ITGAV: variants seen among roughly 807,000 people sequenced by gnomAD.
ITGAV encodes the protein integrin subunit alpha V, also known as integrin alpha-V.
In ITGAV, 76 loss-of-function variants were observed where a neutral mutation model predicts 143.8. The observed-to-expected ratio is 0.53, with a 90% confidence interval of 0.44 to 0.64. The LOEUF (loss-of-function observed/expected upper bound fraction) is 0.64, where lower values mean the gene tolerates loss of function less well. Among genes scored for constraint, ITGAV ranks in the 30% least tolerant of loss-of-function variants. The pLI, the probability that ITGAV is intolerant of heterozygous loss-of-function variation, is 0.00. For synonymous variants in ITGAV, 453 were observed against 446.7 expected (o/e 1.01, Z -0.18); for missense variants, 1,193 against 1,274.7 (o/e 0.94, Z 0.98).
At chr2:186,625,407 A>G in intron 3 of ITGAV, 66 bp from the exon 4 acceptor site, 1 of 925,548 alleles carries the variant, frequency 1.1e-6, no homozygotes, top group Non-Finnish European at 1.8e-6. Flanking sequence ...CTGAAGTAGT[A>G]TAGAGCATCT....
At chr2:186,637,158 T>C in intron 8 of ITGAV, 49 bp downstream of exon 8, 3 of 1,469,588 alleles carry the variant, frequency 2.0e-6, no homozygotes, top group Non-Finnish European at 2.9e-6. Context: ...TTAGATTAAG[T>C]ATTTGAAACA....
At chr2:186,664,395 A>G (rs1034784881) in intron 19 of ITGAV, 99 bp from the exon 20 acceptor site, 4 of 1,129,878 alleles carry the variant, frequency 3.5e-6, no homozygotes, top group East Asian at 2.4e-5. Flanking sequence ...ACTGTTGAAC[A>G]TGTCAGTGCT....
chr2:186,643,952 A>G (rs1356595407), intron 12 of ITGAV, among the ~76,000 whole-genome samples: 1 of 152,146 alleles, frequency 6.6e-6, no homozygotes, highest in African/African-American at 2.4e-5. Context: ...TACTTTATTT[A>G]TTATTTGTTG....
chr2:186,651,513 A>G (rs768909402), intron 14 of ITGAV, among the ~76,000 whole-genome samples: 7 of 152,202 alleles, frequency 4.6e-5, no homozygotes, highest in African/African-American at 9.7e-5. Flanking sequence ...GAAATATTCT[A>G]TGCATTAAAA....
chr2:186,652,931 A>ATTTTTTTTTTTTTT (rs35139936), intron 15 of ITGAV, among the ~76,000 whole-genome samples: 1 of 82,424 alleles, frequency 1.2e-5, no homozygotes. Context: ...TTCATTATAG[A>ATTTTTTTTTTTTTT]TTTTTTTTTT....
At chr2:186,665,621 A>G (rs970991368) in intron 21 of ITGAV, among the ~76,000 whole-genome samples, 2 of 152,192 alleles carry the variant, frequency 1.3e-5, no homozygotes, top group Non-Finnish European at 2.9e-5. Context: ...ATCAAAGTGA[A>G]GGTCAGTTAA....
intron 2 of ITGAV, among the ~76,000 whole-genome samples, chr2:186,608,952 A>G (rs552924890): frequency 6.6e-6 from 1 of 152,306 alleles, no homozygotes; most frequent in South Asian, 2.1e-4. Context: ...ATGTGGAGTA[A>G]CACCATGAGA....
At chr2:186,644,314 G>A (rs55781198) in intron 12 of ITGAV, among the ~76,000 whole-genome samples, 37,410 of 151,000 alleles carry the variant, frequency 0.25, 5,418 homozygotes, top group East Asian at 0.73. Context: ...TTTTTTGTTT[G>A]TTTGTTTTGT....
chr2:186,630,320 T>C (rs1213569701), intron 4 of ITGAV, among the ~76,000 whole-genome samples: 1 of 151,846 alleles, frequency 6.6e-6, no homozygotes, highest in Non-Finnish European at 1.5e-5. Flanking sequence ...TGTTAGTGTT[T>C]TATGAAATCA....
Position 186,678,150 on chromosome 2 carries a change from T to TA in ITGAV, c.*865dup, listed in dbSNP as rs1216272197. The TA allele has an allele frequency of 1.3e-5, 2 of 152,084 alleles. No individual in the cohort carries two copies. The highest frequency in any genetic ancestry group is 2.4e-5 in the African/African-American group (1 of 41,432). 9.4% of individuals were successfully genotyped at this position (152,084 alleles called of 1,614,324 possible). ...TGTTTTAGTCTGGCTATTTACAGTA[T>TA]AAAAAAAGCATTTTTATTAAAATAC... On this transcript the variant is annotated 3_prime_UTR_variant, in exon 30 of 30. Transcript: ENST00000261023.
intron 26 of ITGAV, among the ~76,000 whole-genome samples, chr2:186,674,080 C>T (rs1184118391): frequency 6.6e-6 from 1 of 152,128 alleles, no homozygotes; most frequent in African/African-American, 2.4e-5. Context: ...CTCAAGCAAT[C>T]CTCCTGCCTC....
At chr2:186,612,221 A>G (rs1035333547) in intron 2 of ITGAV, among the ~76,000 whole-genome samples, 1 of 152,300 alleles carries the variant, frequency 6.6e-6, no homozygotes, top group East Asian at 1.9e-4. Context: ...TGCTACTGAC[A>G]GTCTGAGCCT....
chr2:186,668,738 A>G, intron 24 of ITGAV, 24 bp from the exon 25 acceptor site: 1 of 1,609,008 alleles, frequency 6.2e-7, no homozygotes, highest in Non-Finnish European at 8.5e-7. Context: ...CAAGGTGTAG[A>G]TACATTTTCT....
intron 17 of ITGAV, among the ~76,000 whole-genome samples, chr2:186,656,954 A>C (rs2105733106): frequency 6.6e-6 from 1 of 151,152 alleles, no homozygotes; most frequent in East Asian, 2.0e-4. Context: ...CAGGATTTCC[A>C]TAGGTTAAGT....
At chr2:186,657,072 A>C (rs950869591) in intron 17 of ITGAV, among the ~76,000 whole-genome samples, 2 of 151,976 alleles carry the variant, frequency 1.3e-5, no homozygotes, top group African/African-American at 4.8e-5. Flanking sequence ...AAGACCAGCT[A>C]CAGAGCACAA....
At position 186,668,764 on chromosome 2, in the gene ITGAV, G is replaced by C. The variant is rs1321922476; in HGVS notation, c.2436G>C (p.Leu812=). 1.9e-6 allele frequency: 3 copies of C among 1,611,442 alleles called. No individual in the cohort carries two copies. The highest frequency in any genetic ancestry group is 2.5e-6 in the Non-Finnish European group (3 of 1,179,338). ...TACATTTTCTTTTTTCTCCTTAGCT[G>C]AGAAACAATGGTCCAAGTTCATTCA... ...VGPVVQHIYE[L]RNNGPSSFSK... is the part of the protein sequence containing the mutation. The change falls in exon 25 of 30, where the codon CTG becomes CTC. Residue 812 remains leucine, a splice_region_variant and synonymous_variant. Coordinates refer to ENST00000261023, the MANE Select transcript of ITGAV (RefSeq NM_002210.5).
At chr2:186,615,198 A>G (rs1490461925) in intron 2 of ITGAV, among the ~76,000 whole-genome samples, 2 of 152,090 alleles carry the variant, frequency 1.3e-5, no homozygotes, top group Non-Finnish European at 2.9e-5. Flanking sequence ...CATTTTGTTT[A>G]TACCAGTAGA....
chr2:186,629,880 C>T (rs769488028), intron 4 of ITGAV, among the ~76,000 whole-genome samples: 3 of 152,076 alleles, frequency 2.0e-5, no homozygotes, highest in Non-Finnish European at 4.4e-5. Flanking sequence ...TTCATCCTTA[C>T]ATGTGTTCTA....
At chr2:186,671,724 A>C (rs867830584) in intron 26 of ITGAV, among the ~76,000 whole-genome samples, 1 of 152,142 alleles carries the variant, frequency 6.6e-6, no homozygotes, top group South Asian at 2.1e-4. Context: ...CTATAATTGT[A>C]AACATTTTTG....
Sources: allele counts gnomAD v4.1 joint callset (sites outside exome capture counted in the v4.1 genomes callset), GRCh38; gene constraint gnomAD v4.1.1; transcripts MANE v1.5; gene names NCBI Gene and HGNC (gene_info 2026-07-23, HGNC 2026-07-21).